Variants in ZNF407 observed in about 807,000 individuals in gnomAD.
The protein encoded by ZNF407 is zinc finger protein 407.
Under a neutral mutation model 131.2 loss-of-function variants are expected in ZNF407, and 17 were observed. That is an observed-to-expected ratio of 0.13 (90% CI 0.09 to 0.19). The LOEUF (loss-of-function observed/expected upper bound fraction) is 0.19, where lower values mean the gene tolerates loss of function less well. Ranked by LOEUF, ZNF407 falls within the 10% of genes least tolerant of loss-of-function variation. The pLI, the probability that ZNF407 is intolerant of heterozygous loss-of-function variation, is 1.00. For missense variants in ZNF407, 2,681 were observed against 2,830.6 expected (o/e 0.95, Z 1.20); for synonymous variants, 1,156 against 1,062.0 (o/e 1.09, Z -1.72).
intron 3 of ZNF407, among the ~76,000 whole-genome samples, chr18:74,708,412 C>G (rs1027703946): frequency 1.3e-5 from 2 of 152,162 alleles, no homozygotes; most frequent in Admixed American, 1.3e-4. Flanking sequence ...GGTTGAAGGT[C>G]TTTCTTCATA....
chr18:74,987,133 G>A (rs1462949520), intron 8 of ZNF407, among the ~76,000 whole-genome samples: 7 of 152,012 alleles, frequency 4.6e-5, no homozygotes, highest in African/African-American at 1.4e-4. Flanking sequence ...TACACATCGC[G>A]TGTGTTAGAA....
At chr18:75,005,448 A>G (rs187116268) in intron 8 of ZNF407, among the ~76,000 whole-genome samples, 42 of 152,262 alleles carry the variant, frequency 2.8e-4, no homozygotes, top group Non-Finnish European at 5.3e-4. Flanking sequence ...TTTTCATTGA[A>G]TGCAGAGTTT....
intron 4 of ZNF407, among the ~76,000 whole-genome samples, chr18:74,822,489 C>T (rs994284087): frequency 6.6e-6 from 1 of 152,140 alleles, no homozygotes; most frequent in Non-Finnish European, 1.5e-5. Flanking sequence ...ATATGGCTAG[C>T]CAGTTTTCCA....
intron 3 of ZNF407, among the ~76,000 whole-genome samples, chr18:74,722,520 G>T (rs897750154): frequency 1.3e-5 from 2 of 152,082 alleles, no homozygotes; most frequent in African/African-American, 4.8e-5. Flanking sequence ...TGACAAGGAT[G>T]TGGGGTTTTG....
rs183254116 is a variant in ZNF407 at position 74,717,323 on chromosome 18, C to T, written c.4803-64105C>T. Among the ~76,000 whole-genome samples the T allele has an allele frequency of 2.8e-3, 423 of 152,296 alleles. 1 individual carries two copies. Among genetic ancestry groups the T allele is most frequent in the Non-Finnish European group, 5.0e-3 (341 of 68,020 alleles). On this transcript the variant is annotated intron_variant, in intron 3 of 8. Coordinates refer to ENST00000299687, the MANE Select transcript of ZNF407 (RefSeq NM_017757.3). ...AAAGATCATAAGTCAAGATTGTACT[C>T]CTGAGTCCGATAGTGGCACCTTTTT...
At chr18:74,990,876 G>T (rs1482907286) in intron 8 of ZNF407, among the ~76,000 whole-genome samples, 1 of 152,168 alleles carries the variant, frequency 6.6e-6, no homozygotes, top group Admixed American at 6.5e-5. Flanking sequence ...AGCTGAACTC[G>T]TGGGGAAGGG....
At chr18:74,630,201 C>T (rs1338283307) in intron 1 of ZNF407, among the ~76,000 whole-genome samples, 44 of 136,664 alleles carry the variant, frequency 3.2e-4, no homozygotes, top group South Asian at 9.5e-4. Flanking sequence ...GACGGAGTCT[C>T]GCTCTGTCGC....
chr18:74,931,697 A>G (rs1971984877), intron 8 of ZNF407, among the ~76,000 whole-genome samples: 1 of 152,036 alleles, frequency 6.6e-6, no homozygotes, highest in South Asian at 2.1e-4. Context: ...CTGTCTGTGC[A>G]TAGTATGTTC....
intron 7 of ZNF407, among the ~76,000 whole-genome samples, chr18:74,904,749 G>A (rs1375356574): frequency 3.9e-5 from 6 of 152,196 alleles, no homozygotes; most frequent in African/African-American, 7.2e-5. Context: ...CATGAAAGGT[G>A]AACAAAGCAT....
At chr18:74,818,125 A>G (rs941683498) in intron 4 of ZNF407, among the ~76,000 whole-genome samples, 2 of 152,206 alleles carry the variant, frequency 1.3e-5, no homozygotes, top group African/African-American at 4.8e-5. Context: ...GCATCATTGC[A>G]TACATCTGGT....
In ZNF407 at chr18:75,028,001, C is replaced by T. The variant is rs986610353; in HGVS notation, c.5429-35149C>T. ...GAGCACAAGGCAGTGGTAGCAGAGA[C>T]GTGATGAGCAGTTCTGTCTGTTCTG... is the stretch of plus-strand genomic sequence containing the variant. On this transcript the variant is annotated intron_variant, in intron 8 of 8. Transcript: ENST00000299687. 1.1e-4 allele frequency among the ~76,000 whole-genome samples: 17 copies of T among 152,294 alleles called. No individual in the cohort carries two copies. In the East Asian group the frequency reaches 3.1e-3, roughly 28 times the overall value.
At chr18:74,959,442 C>A (rs530458615) in intron 8 of ZNF407, among the ~76,000 whole-genome samples, 2 of 152,256 alleles carry the variant, frequency 1.3e-5, no homozygotes, top group African/African-American at 2.4e-5. Flanking sequence ...GGGACAATTT[C>A]CCCTTTTTAA....
rs551032863 is a variant in ZNF407 at position 74,877,028 on chromosome 18, C to G, written c.4878-169C>G. ...AATAAATGGCTGAAGTGCCAGGCCT[C>G]GACAGAAAAATCAATGCCTGGTTAT... On this transcript the variant is annotated intron_variant, in intron 4 of 8. Transcript: ENST00000299687. Among the ~76,000 whole-genome samples, 45 of 152,332 alleles carry G rather than the reference C, an allele frequency of 3.0e-4. No homozygotes were observed. In the South Asian group the frequency reaches 8.7e-3, roughly 29 times the overall value.
At chr18:74,637,350 A>G (rs1984509166) in intron 2 of ZNF407, among the ~76,000 whole-genome samples, 2 of 152,250 alleles carry the variant, frequency 1.3e-5, no homozygotes, top group Admixed American at 6.5e-5. Flanking sequence ...AATGTAGTCC[A>G]TTAGTCTTCC....
intron 4 of ZNF407, among the ~76,000 whole-genome samples, chr18:74,809,147 G>A (rs189123416): frequency 6.6e-6 from 1 of 152,278 alleles, no homozygotes; most frequent in African/African-American, 2.4e-5. Flanking sequence ...GATCCGGCAT[G>A]CATCTTCGCC....
intron 4 of ZNF407, among the ~76,000 whole-genome samples, chr18:74,847,831 T>C (rs1396034271): frequency 2.0e-5 from 3 of 151,592 alleles, no homozygotes; most frequent in Middle Eastern, 3.2e-3. Flanking sequence ...TTCTATGATA[T>C]GTATAAAATG....
Position 74,631,271 on chromosome 18 carries a change from T to G in ZNF407, c.252T>G (p.Leu84=). ...KRRKLDEAEP[L]KSGKQGICRL... ...GGAAATTAGATGAGGCAGAGCCCCTTAAATCTGGAAAGCAAGGTATTTGTA... is the reference window on the plus strand; with the variant it reads ...GGAAATTAGATGAGGCAGAGCCCCTGAAATCTGGAAAGCAAGGTATTTGTA... Residue 84 remains leucine (L), a synonymous_variant, in exon 2 of 9, where the codon CTT becomes CTG. Transcript: ENST00000299687. The G allele has an allele frequency of 6.2e-7, 1 of 1,614,002 alleles. No individual in the cohort carries two copies. Among genetic ancestry groups the G allele is most frequent in the Non-Finnish European group, 8.5e-7 (1 of 1,179,896 alleles).
At chr18:74,762,835 A>G (rs1376128693) in intron 3 of ZNF407, among the ~76,000 whole-genome samples, 1 of 151,784 alleles carries the variant, frequency 6.6e-6, no homozygotes, top group African/African-American at 2.4e-5. Context: ...TTGTTTATCC[A>G]TTCTCCTTTC....
rs1428000426 is a variant in ZNF407, at chr18:74,781,388, T to C, written c.4803-40T>C. Reference sequence around the variant, plus strand: ...CTTTGTACAGATTTCTAGTGGAGAGTCAAGTTTTAGTTTTATAATTACTTT... The same window carrying C: ...CTTTGTACAGATTTCTAGTGGAGAGCCAAGTTTTAGTTTTATAATTACTTT... On this transcript the variant is annotated intron_variant, in intron 3 of 8. Transcript: ENST00000299687. 2.9e-6 allele frequency: 4 copies of C among 1,359,348 alleles called. No homozygotes were observed. The East Asian group carries it at 7.6e-5, about 26-fold the overall frequency. 84.2% of individuals were successfully genotyped at this position (1,359,348 alleles called of 1,614,324 possible).
Sources: allele counts gnomAD v4.1 joint callset (sites outside exome capture counted in the v4.1 genomes callset), GRCh38; gene constraint gnomAD v4.1.1; transcripts MANE v1.5; gene names NCBI Gene and HGNC (gene_info 2026-07-23, HGNC 2026-07-21).